Variants in PHC3 observed in about 807,000 individuals in gnomAD.
PHC3 encodes the protein polyhomeotic homolog 3, also known as polyhomeotic-like protein 3.
In PHC3, 13 loss-of-function variants were observed where a neutral mutation model predicts 107.4. The observed-to-expected ratio is 0.12, with a 90% CI of 0.08 to 0.19. The LOEUF (loss-of-function observed/expected upper bound fraction) is 0.19. PHC3 is among the 10% of genes least tolerant of loss of function. The pLI is 1.00. For synonymous variants in PHC3, 456 were observed against 427.4 expected (o/e 1.07, Z -0.83); for missense variants, 992 against 1,210.9 (o/e 0.82, Z 2.68).
chr3:170,127,151 T>C (rs1176403437), intron 8 of PHC3, among the ~76,000 whole-genome samples: 1 of 152,152 alleles, frequency 6.6e-6, no homozygotes, highest in East Asian at 1.9e-4. Context: ...AATATAGACA[T>C]GATAACTGAA....
rs1397218627 is a variant in PHC3, at chr3:170,096,258, A to G, written c.*972T>C. ...AGCAGAATATTAATGTTATCTGAAT[A>G]ATACTTCCATCATATATGTTTAGTA... On this transcript the variant is annotated 3_prime_UTR_variant, in exon 15 of 15. Coordinates refer to ENST00000495893, the MANE Select transcript of PHC3 (RefSeq NM_024947.4). The G allele has an allele frequency of 6.6e-6, 1 of 152,200 alleles. No individual in the cohort carries two copies. Among genetic ancestry groups the G allele is most frequent in the African/African-American group, 2.4e-5 (1 of 41,442 alleles). 9.4% of individuals were successfully genotyped at this position (152,200 alleles called of 1,614,324 possible).
At chr3:170,181,660 G>GC (rs747442940) in intron 1 of PHC3, 42 bp downstream of exon 1, 50 of 1,612,280 alleles carry the variant, frequency 3.1e-5, no homozygotes, top group Admixed American at 1.2e-4. Context: ...GCCCCAACTC[G>GC]CCCCCCCTAG....
chr3:170,109,362 A>C (rs910486431), intron 11 of PHC3, among the ~76,000 whole-genome samples: 1 of 152,118 alleles, frequency 6.6e-6, no homozygotes, highest in African/African-American at 2.4e-5. Context: ...CCCCCATCTC[A>C]TTGGTTAGAA....
chr3:170,136,792 C>T, intron 6 of PHC3, 127 bp from the exon 7 acceptor site: 2 of 932,652 alleles, frequency 2.1e-6, no homozygotes, highest in Non-Finnish European at 3.1e-6. Context: ...GCTCCAAGCA[C>T]TTGAAAGAAC....
chr3:170,113,146 C>T (rs577203128), intron 11 of PHC3, among the ~76,000 whole-genome samples: 1 of 152,314 alleles, frequency 6.6e-6, no homozygotes, highest in South Asian at 2.1e-4. Flanking sequence ...GTCAAACTGA[C>T]ATTGAAGAAA....
At chr3:170,155,266 C>T (rs1389008810) in intron 4 of PHC3, among the ~76,000 whole-genome samples, 1 of 152,194 alleles carries the variant, frequency 6.6e-6, no homozygotes, top group African/African-American at 2.4e-5. Flanking sequence ...AATAGAGAAA[C>T]ATTTCACATT....
chr3:170,130,665 T>C (rs1296633154), intron 7 of PHC3, among the ~76,000 whole-genome samples: 2 of 152,182 alleles, frequency 1.3e-5, no homozygotes, highest in Non-Finnish European at 2.9e-5. Flanking sequence ...AGTATGAGGT[T>C]TTCTCCACAA....
rs556585173 is a variant in PHC3 at position 170,097,925 on chromosome 3, T to A, written c.2834-541A>T. Among the ~76,000 whole-genome samples the A allele has an allele frequency of 1.6e-4, 24 of 152,206 alleles. No homozygotes were observed. Among genetic ancestry groups the A allele is most frequent in the Non-Finnish European group, 3.2e-4 (22 of 68,032 alleles). On this transcript the variant is annotated intron_variant, in intron 14 of 14. Coordinates refer to ENST00000495893, the MANE Select transcript of PHC3 (RefSeq NM_024947.4). The surrounding 1 kb of genome is among the most constrained non-coding windows in gnomAD (Gnocchi z 4.1). ...AGTACATTTAAAATATTTTTATTGTTCACTCGGGACATATCAAATTTCTCA... is the reference window on the plus strand; with the variant it reads ...AGTACATTTAAAATATTTTTATTGTACACTCGGGACATATCAAATTTCTCA...
intron 10 of PHC3, among the ~76,000 whole-genome samples, chr3:170,113,844 T>A (rs1053986087): frequency 2.0e-4 from 31 of 152,212 alleles, no homozygotes; most frequent in African/African-American, 6.5e-4. Flanking sequence ...AATCATCCAG[T>A]TATCCTGCAC....
At chr3:170,102,324 G>A in intron 14 of PHC3, 155 bp downstream of exon 14, 4 of 985,318 alleles carry the variant, frequency 4.1e-6, no homozygotes, top group Non-Finnish European at 4.8e-6. Flanking sequence ...ATAAGCAAGA[G>A]GAAACAGATC....
chr3:170,091,615 G>A lies in PHC3; in HGVS notation c.*5615C>T, dbSNP rs1714094079. On this transcript the variant is annotated 3_prime_UTR_variant, in exon 15 of 15. Transcript: ENST00000495893. ...AACATGACACTTGGAAGGGGTGTGT[G>A]CATGTGTCTGAGTAGAAAAGCTGAT... 6.6e-6 allele frequency: 1 copy of A among 152,170 alleles called. No homozygotes were observed. The highest frequency in any genetic ancestry group is 1.5e-5 in the Non-Finnish European group (1 of 68,032). 9.4% of individuals were successfully genotyped at this position (152,170 alleles called of 1,614,324 possible).
At chr3:170,170,040 C>T (rs1305678576) in intron 4 of PHC3, 3 of 150,210 alleles carry the variant, frequency 2.0e-5, no homozygotes, top group South Asian at 2.1e-4. Context: ...GACATTCCCA[C>T]GCCAAAAAAA....
chr3:170,164,783 A>G (rs1379799132), intron 4 of PHC3, among the ~76,000 whole-genome samples: 9 of 152,224 alleles, frequency 5.9e-5, no homozygotes, highest in Admixed American at 5.9e-4. Context: ...AATCCCCAAC[A>G]AAAGCCTGCT....
Position 170,149,217 on chromosome 3 carries a change from C to G in PHC3, c.442G>C (p.Ala148Pro). Residue 148 changes from alanine (A) to proline (P), a missense_variant, in exon 5 of 15, where the codon GCA (alanine) becomes CCA (proline). Physicochemically the swap from Ala to Pro is conservative, Grantham distance 27. Around this residue, in one of 6 missense-constraint regions of PHC3, gnomAD observed 161 missense variants for 183.7 expected, o/e 0.88. Transcript: ENST00000495893. ...GCCTGGGAACGGCTTATTAACTGTG[C>G]AGGTGTAGGAGAAGTGGAGAGGTTG... ...SINLSTSPTP[A>P]QLISRSQASS... The G allele has an allele frequency of 6.2e-7, 1 of 1,612,476 alleles. No individual in the cohort carries two copies. Among genetic ancestry groups the G allele is most frequent in the East Asian group, 2.2e-5 (1 of 44,874 alleles).
At chr3:170,098,819 C>G (rs1243165129) in intron 14 of PHC3, among the ~76,000 whole-genome samples, 1 of 152,068 alleles carries the variant, frequency 6.6e-6, no homozygotes, top group Non-Finnish European at 1.5e-5. Flanking sequence ...ATTGACATTT[C>G]AATACCCTCT....
At chr3:170,114,558 C>T (rs149508762) in intron 10 of PHC3, among the ~76,000 whole-genome samples, 1,857 of 152,244 alleles carry the variant, frequency 0.012, 40 homozygotes, top group African/African-American at 0.042. Flanking sequence ...GTTTAGCAAA[C>T]TAATCCACTA....
intron 5 of PHC3, chr3:170,147,257 T>C (rs1288323344): frequency 3.3e-5 from 5 of 152,246 alleles, no homozygotes; most frequent in Non-Finnish European, 5.9e-5. Context: ...TCAAAGAATG[T>C]GTAAATACTT....
intron 14 of PHC3, among the ~76,000 whole-genome samples, chr3:170,101,348 G>A (rs1715443736): frequency 6.6e-6 from 1 of 152,120 alleles, no homozygotes; most frequent in Non-Finnish European, 1.5e-5. Flanking sequence ...GTGGGTGACG[G>A]ATTCTTTACA....
intron 6 of PHC3, among the ~76,000 whole-genome samples, chr3:170,140,171 C>T (rs1723800872): frequency 6.7e-6 from 1 of 148,522 alleles, no homozygotes; most frequent in African/African-American, 2.5e-5. Context: ...TTCCTCAATT[C>T]TAAGAGTATT....
Sources: allele counts gnomAD v4.1 joint callset (sites outside exome capture counted in the v4.1 genomes callset), GRCh38; gene constraint gnomAD v4.1.1; regional missense constraint gnomAD v4.1.1; non-coding constraint Gnocchi (gnomAD v3.1); transcripts MANE v1.5; gene names NCBI Gene and HGNC (gene_info 2026-07-23, HGNC 2026-07-21).